BIN1: variants seen among roughly 807,000 people sequenced by gnomAD.
The protein encoded by BIN1 is myc box-dependent-interacting protein 1.
In BIN1, 53 loss-of-function variants were observed where a neutral mutation model predicts 82.0. The ratio of observed to expected loss-of-function variants is 0.65; its 90% CI spans 0.52 to 0.81. The LOEUF (loss-of-function observed/expected upper bound fraction) is 0.81. BIN1 is among the 40% of genes least tolerant of loss of function. The probability of loss-of-function intolerance (pLI) is 0.00; values close to 1 mark genes in which losing one functional copy is unlikely to be tolerated. For synonymous variants in BIN1, 302 were observed against 328.0 expected (o/e 0.92, Z 0.86); for missense variants, 642 against 784.4 (o/e 0.82, Z 2.17).
At chr2:127,052,613 CCTACCAG>C (rs1683110049) in intron 14 of BIN1, 4 of 543,144 alleles carry the variant, frequency 7.4e-6, no homozygotes, top group South Asian at 4.4e-5. Context: ...TCAAAATGGC[CCTACCAG>C]CTCGCACCAG....
intron 1 of BIN1, among the ~76,000 whole-genome samples, chr2:127,101,119 C>T (rs1487000789): frequency 6.6e-6 from 1 of 151,936 alleles, no homozygotes; most frequent in Admixed American, 6.6e-5. Context: ...TTGACACCCT[C>T]CTCCTCTCCT....
At chr2:127,098,334 C>T (rs993323276) in intron 1 of BIN1, among the ~76,000 whole-genome samples, 3 of 152,270 alleles carry the variant, frequency 2.0e-5, no homozygotes, top group African/African-American at 4.8e-5. Flanking sequence ...AGTCCTGTGG[C>T]GGCTGCTGCA....
At chr2:127,050,330 C>T in intron 18 of BIN1, 91 bp downstream of exon 18, 5 of 1,415,314 alleles carry the variant, frequency 3.5e-6, no homozygotes, top group Middle Eastern at 2.2e-4. Flanking sequence ...CTCTGCTGCC[C>T]CCTGCTGGCC....
At chr2:127,076,729 G>T in intron 1 of BIN1, 23 bp from the exon 2 acceptor site, 1 of 1,613,538 alleles carries the variant, frequency 6.2e-7, no homozygotes. Context: ...AGAGAGAAGG[G>T]GAGAGTGTTA....
At chr2:127,092,281 T>C (rs1679038385) in intron 1 of BIN1, among the ~76,000 whole-genome samples, 1 of 152,104 alleles carries the variant, frequency 6.6e-6, no homozygotes, top group Non-Finnish European at 1.5e-5. Flanking sequence ...GGGACATGGA[T>C]GTGGGGGACA....
intron 3 of BIN1, 50 bp from the exon 4 acceptor site, chr2:127,070,697 C>G (rs1348317422): frequency 6.2e-7 from 1 of 1,612,198 alleles, no homozygotes; most frequent in Non-Finnish European, 8.5e-7. Context: ...AGCGCTTGTC[C>G]CACCCTCCCC....
chr2:127,068,114 C>T lies in BIN1; in HGVS notation c.612+49G>A, dbSNP rs758119728. 24 of 1,569,696 alleles carry T rather than the reference C, an allele frequency of 1.5e-5. No homozygotes were observed. In the East Asian group the frequency reaches 1.6e-4, roughly 11 times the overall value. ...TCCACCGCAGGGCGAGAGGACAGGA[C>T]GACAGACCGGAAGGCGCCAGCACGT... On this transcript the variant is annotated intron_variant, in intron 7 of 18. Transcript: ENST00000316724. This position sits in a 1 kb window ranked among gnomAD's most constrained non-coding sequence, Gnocchi z 4.9.
intron 18 of BIN1, among the ~76,000 whole-genome samples, chr2:127,049,014 A>C (rs1162341611): frequency 6.6e-6 from 1 of 152,246 alleles, no homozygotes; most frequent in African/African-American, 2.4e-5. Flanking sequence ...CCATCCCACC[A>C]GTCCCTCCAA....
At chr2:127,092,862 C>T (rs1352080028) in intron 1 of BIN1, among the ~76,000 whole-genome samples, 2 of 152,180 alleles carry the variant, frequency 1.3e-5, no homozygotes, top group Non-Finnish European at 2.9e-5. Context: ...CCTGCACCCC[C>T]TGTGCCCGAA....
intron 1 of BIN1, among the ~76,000 whole-genome samples, chr2:127,102,552 TCCCCATG>T (rs1473507389): frequency 1.3e-5 from 2 of 152,176 alleles, no homozygotes; most frequent in African/African-American, 4.8e-5. Context: ...GCCTTCTCCT[TCCCCATG>T]CCCCATGCAG....
intron 7 of BIN1, 94 bp from the exon 8 acceptor site, chr2:127,064,112 C>A (rs1456022697): frequency 3.5e-6 from 5 of 1,445,562 alleles, no homozygotes; most frequent in Non-Finnish European, 4.8e-6. Flanking sequence ...CCCCTCTTGG[C>A]CAGTGCGCTG....
chr2:127,091,216 C>G (rs971970165), intron 1 of BIN1, among the ~76,000 whole-genome samples: 1 of 151,986 alleles, frequency 6.6e-6, no homozygotes, highest in African/African-American at 2.4e-5. Flanking sequence ...CCCACTGAGG[C>G]ACCAACAGGC....
At chr2:127,083,172 A>G (rs13422890) in intron 1 of BIN1, among the ~76,000 whole-genome samples, 26,357 of 150,430 alleles carry the variant, frequency 0.18, 2,414 homozygotes, top group South Asian at 0.23. Flanking sequence ...AGTAGCCTAG[A>G]CTTTCTGAGC....
At chr2:127,105,467 C>CCCTCCT (rs70985434) in intron 1 of BIN1, among the ~76,000 whole-genome samples, 1,511 of 55,726 alleles carry the variant, frequency 0.027, 52 homozygotes, top group African/African-American at 0.078. Flanking sequence ...GGGCTTTAAT[C>CCCTCCT]CCTCCTCCTC....
chr2:127,058,384 G>A (rs1056612157), intron 11 of BIN1, among the ~76,000 whole-genome samples: 18 of 152,152 alleles, frequency 1.2e-4, no homozygotes, highest in African/African-American at 4.1e-4. Flanking sequence ...AGCAGAAAAC[G>A]GGGAGCTGCA....
At chr2:127,074,178 C>A (rs760557151) in intron 2 of BIN1, among the ~76,000 whole-genome samples, 1 of 152,066 alleles carries the variant, frequency 6.6e-6, no homozygotes, top group Admixed American at 6.5e-5. Context: ...AGGCTTCCCA[C>A]GCCCCATTCT....
rs1174842185 is a variant in BIN1, at chr2:127,057,830, G to T, written c.1003-229C>A. Among the ~76,000 whole-genome samples, 1 of 151,728 alleles carries T rather than the reference G, an allele frequency of 6.6e-6. No homozygotes were observed. The highest frequency in any genetic ancestry group is 2.4e-5 in the African/African-American group (1 of 41,266). ...GAGGGACACTGAGGCAGGCGGTCCA[G>T]AAACGCTGTGTGGAGAGAGAAGAGA... is the stretch of plus-strand genomic sequence containing the variant. On this transcript the variant is annotated intron_variant, in intron 11 of 18. Coordinates refer to ENST00000316724, the MANE Select transcript of BIN1 (RefSeq NM_139343.3). The surrounding 1 kb of genome is among the most constrained non-coding windows in gnomAD (Gnocchi z 5.0).
intron 1 of BIN1, among the ~76,000 whole-genome samples, chr2:127,104,755 G>T (rs1680817450): frequency 6.6e-6 from 1 of 152,212 alleles, no homozygotes; most frequent in South Asian, 2.1e-4. Context: ...CTACAGGAAG[G>T]CACACAGCAG....
At chr2:127,070,669 T>A (rs766092773) in intron 3 of BIN1, 22 bp from the exon 4 acceptor site, 40 of 1,613,906 alleles carry the variant, frequency 2.5e-5, no homozygotes, top group Admixed American at 5.0e-5. Flanking sequence ...AAAGGAAGTA[T>A]GTGGGCCTCC....
Sources: gnomAD v4.1 joint callset for allele counts (sites outside exome capture counted in the v4.1 genomes callset) on GRCh38, gnomAD v4.1.1 for gene constraint, Gnocchi (gnomAD v3.1) non-coding constraint, MANE v1.5 for transcripts, NCBI Gene and HGNC (gene_info 2026-07-23, HGNC 2026-07-21) for gene names.